Variants in ROR1 observed in about 807,000 individuals in gnomAD.
ROR1 encodes the protein inactive tyrosine-protein kinase transmembrane receptor ROR1.
Under a neutral mutation model 78.8 loss-of-function variants are expected in ROR1, and 19 were observed. The observed-to-expected ratio is 0.24, with a 90% confidence interval of 0.17 to 0.35. The LOEUF is 0.35. ROR1 is among the 10% of genes least tolerant of loss of function. The probability of loss-of-function intolerance (pLI) is 1.00; values close to 1 mark genes in which losing one functional copy is unlikely to be tolerated. For missense variants in ROR1, 917 were observed against 1,177.8 expected (o/e 0.78, Z 3.24); for synonymous variants, 386 against 433.6 (o/e 0.89, Z 1.36).
At chr1:63,778,672 C>G (rs1437653562) in intron 1 of ROR1, among the ~76,000 whole-genome samples, 2 of 152,196 alleles carry the variant, frequency 1.3e-5, no homozygotes, top group Non-Finnish European at 2.9e-5. Flanking sequence ...TTACAATGGG[C>G]CAATCACTCT....
chr1:63,892,230 C>T (rs1645403044), intron 1 of ROR1, among the ~76,000 whole-genome samples: 1 of 152,044 alleles, frequency 6.6e-6, no homozygotes, highest in Non-Finnish European at 1.5e-5. Flanking sequence ...GTACAAGGAA[C>T]GGTTATACTA....
chr1:63,927,626 A>G (rs958357969), intron 1 of ROR1, among the ~76,000 whole-genome samples: 3 of 151,464 alleles, frequency 2.0e-5, no homozygotes, highest in Non-Finnish European at 4.4e-5. Flanking sequence ...TGATATCCTC[A>G]TTTTAGACGA....
intron 2 of ROR1, among the ~76,000 whole-genome samples, chr1:64,012,454 G>A (rs1267517344): frequency 3.3e-5 from 5 of 152,078 alleles, no homozygotes; most frequent in Non-Finnish European, 7.4e-5. Context: ...ACTTGGCCTG[G>A]AATTGATTAA....
Position 63,782,544 on chromosome 1 carries a change from G to GTT in ROR1, c.91+8047_91+8048dup, listed in dbSNP as rs1180388246. ...CCATTGTTAAGGCTGAGATTTTGAGGTTTTTTTTTTTTGTTTTTTTTTTTG... is the reference window on the plus strand; with the variant it reads ...CCATTGTTAAGGCTGAGATTTTGAGGTTTTTTTTTTTTTTGTTTTTTTTTTTG... On this transcript the variant is annotated intron_variant, in intron 1 of 8. Transcript: ENST00000371079. Among the ~76,000 whole-genome samples, 216 of 121,260 alleles carry GTT rather than the reference G, an allele frequency of 1.8e-3. 3 individuals are homozygous for GTT. Among genetic ancestry groups the GTT allele is most frequent in the African/African-American group, 7.5e-3 (188 of 25,100 alleles). The allele number at this position is 121,260 out of a possible 152,430, so 79.6% of individuals were successfully genotyped here. A position where few individuals can be genotyped will look rare whatever the true frequency, so the allele number is the denominator to read the frequency against.
intron 1 of ROR1, among the ~76,000 whole-genome samples, chr1:63,815,458 TTTTTC>T (rs140833381): frequency 4.3e-4 from 63 of 146,792 alleles, no homozygotes; most frequent in East Asian, 2.0e-4. Flanking sequence ...TTTTTTTTTC[TTTTTC>T]TTTTCTTTTC....
chr1:63,957,414 G>A (rs1423929002), intron 1 of ROR1, among the ~76,000 whole-genome samples: 1 of 152,148 alleles, frequency 6.6e-6, no homozygotes, highest in Admixed American at 6.6e-5. Flanking sequence ...TCATTCCCAT[G>A]TGGGAGATGC....
At chr1:63,866,756 G>C (rs1374274251) in intron 1 of ROR1, among the ~76,000 whole-genome samples, 1 of 152,160 alleles carries the variant, frequency 6.6e-6, no homozygotes, top group African/African-American at 2.4e-5. Flanking sequence ...TATTAAGAAG[G>C]CTTTATAGAG....
At chr1:64,137,324 A>G (rs1274296831) in intron 4 of ROR1, 45 bp from the exon 5 acceptor site, 28 of 1,610,268 alleles carry the variant, frequency 1.7e-5, no homozygotes, top group Non-Finnish European at 2.0e-5. Context: ...TGTGCCCTGT[A>G]TGTATGTGGT....
chr1:63,965,678 T>C (rs1646069054), intron 1 of ROR1, among the ~76,000 whole-genome samples: 1 of 152,256 alleles, frequency 6.6e-6, no homozygotes, highest in African/African-American at 2.4e-5. Flanking sequence ...TGTGCTGTTA[T>C]CACCTCAATC....
At chr1:64,107,812 C>CT (rs1220802600) in intron 4 of ROR1, among the ~76,000 whole-genome samples, 5 of 151,964 alleles carry the variant, frequency 3.3e-5, no homozygotes, top group Non-Finnish European at 5.9e-5. Context: ...CTCACTCACT[C>CT]TAAGTAAAAT....
intron 4 of ROR1, among the ~76,000 whole-genome samples, chr1:64,102,251 C>G (rs1303136466): frequency 3.9e-5 from 6 of 152,176 alleles, no homozygotes; most frequent in Non-Finnish European, 8.8e-5. Context: ...AGTATGGAAT[C>G]AGATCTGTTT....
intron 1 of ROR1, among the ~76,000 whole-genome samples, chr1:63,833,399 G>A (rs1024434221): frequency 1.3e-5 from 2 of 152,214 alleles, no homozygotes; most frequent in Non-Finnish European, 1.5e-5. Context: ...GTCCAGAAAA[G>A]AGCAAGCCAG....
chr1:63,780,595 C>T (rs570350574), intron 1 of ROR1, among the ~76,000 whole-genome samples: 1 of 152,292 alleles, frequency 6.6e-6, no homozygotes, highest in South Asian at 2.1e-4. Context: ...GGTCCTGCTG[C>T]AAGGTAGCAA....
At chr1:63,969,725 C>G (rs904310639) in intron 1 of ROR1, among the ~76,000 whole-genome samples, 1 of 152,000 alleles carries the variant, frequency 6.6e-6, no homozygotes, top group African/African-American at 2.4e-5. Flanking sequence ...CCGTGTTGAT[C>G]TCATTCATTT....
intron 1 of ROR1, among the ~76,000 whole-genome samples, chr1:63,783,990 G>A (rs2772101): frequency 1.0e-3 from 158 of 152,130 alleles, no homozygotes; most frequent in African/African-American, 3.5e-3. Context: ...ATATCCTAAG[G>A]CCTGAGTTTT....
chr1:64,116,331 T>A (rs1021344532), intron 4 of ROR1, among the ~76,000 whole-genome samples: 2 of 152,192 alleles, frequency 1.3e-5, no homozygotes, highest in Admixed American at 6.5e-5. Flanking sequence ...CACAATATTT[T>A]TAACATTATG....
rs376254552 is a variant in ROR1 at position 64,178,213 on chromosome 1, C to A, written c.2172C>A (p.Leu724=). ...SEDCPPRMYS[L]MTECWNEIPS... is the part of the protein sequence containing the mutation. ...ACTGCCCACCCAGAATGTACAGCCTCATGACAGAGTGCTGGAATGAGATTC... is the reference window on the plus strand; with the variant it reads ...ACTGCCCACCCAGAATGTACAGCCTAATGACAGAGTGCTGGAATGAGATTC... Residue 724 remains leucine, a synonymous_variant, in exon 9 of 9, where the codon CTC becomes CTA. Transcript: ENST00000371079. The surrounding 1 kb of genome is among the most constrained non-coding windows in gnomAD (Gnocchi z 4.3). The A allele has an allele frequency of 5.9e-5, 96 of 1,614,010 alleles. No individual in the cohort carries two copies. Among genetic ancestry groups the A allele is most frequent in the Non-Finnish European group, 8.1e-5 (95 of 1,180,024 alleles).
At chr1:64,015,011 C>T (rs1314770560) in intron 2 of ROR1, among the ~76,000 whole-genome samples, 1 of 151,522 alleles carries the variant, frequency 6.6e-6, no homozygotes, top group South Asian at 2.1e-4. Flanking sequence ...AATGGACTTA[C>T]ATTCCCACAT....
intron 1 of ROR1, among the ~76,000 whole-genome samples, chr1:63,891,370 A>G (rs536129423): frequency 6.6e-6 from 1 of 152,164 alleles, no homozygotes; most frequent in Non-Finnish European, 1.5e-5. Flanking sequence ...TGACTACAGG[A>G]TGGTGGTGAG....
Sources: gnomAD v4.1 joint callset for allele counts (sites outside exome capture counted in the v4.1 genomes callset) on GRCh38, gnomAD v4.1.1 for gene constraint, Gnocchi (gnomAD v3.1) non-coding constraint, MANE v1.5 for transcripts, NCBI Gene and HGNC (gene_info 2026-07-23, HGNC 2026-07-21) for gene names.